The following CCNT2 variants were observed in gnomAD, a reference collection of about 807,000 sequenced individuals.
The protein encoded by CCNT2 is cyclin T2.
In CCNT2, 18 loss-of-function variants were observed where a neutral mutation model predicts 70.0. The observed-to-expected ratio is 0.26, with a 90% CI of 0.18 to 0.38. The LOEUF (loss-of-function observed/expected upper bound fraction) is 0.38. Ranked by LOEUF, CCNT2 falls within the 10% of genes least tolerant of loss-of-function variation. The probability of loss-of-function intolerance (pLI) is 1.00; values close to 1 mark genes in which losing one functional copy is unlikely to be tolerated. For synonymous variants in CCNT2, 334 were observed against 313.3 expected (o/e 1.07, Z -0.70); for missense variants, 734 against 890.2 (o/e 0.82, Z 2.23).
intron 1 of CCNT2, among the ~76,000 whole-genome samples, chr2:134,919,222 T>C (rs1486998381): frequency 2.0e-5 from 3 of 152,078 alleles, no homozygotes; most frequent in African/African-American, 7.2e-5. Context: ...GCCAGGAGCC[T>C]GCGTTGTGTA....
chr2:134,933,464 G>C (rs1211244835), intron 2 of CCNT2, among the ~76,000 whole-genome samples: 1 of 152,096 alleles, frequency 6.6e-6, no homozygotes. Flanking sequence ...AGCAGAGAGG[G>C]GAGACAGCAG....
chr2:134,954,151 A>G lies in CCNT2; in HGVS notation c.1696A>G (p.Ser566Gly), dbSNP rs190868744. ...HKEKHKEHPS[S>G]RHHTSSHKHS... ...GGAGAAGCACAAGGAGCATCCTTCAAGCCGCCACCACACCAGCAGCCACAA... is the reference window on the plus strand; with the variant it reads ...GGAGAAGCACAAGGAGCATCCTTCAGGCCGCCACCACACCAGCAGCCACAA... The change falls in exon 9 of 9, where the codon AGC becomes GGC. Residue 566 changes from serine to glycine, a missense_variant. Coordinates refer to ENST00000264157, the MANE Select transcript of CCNT2 (RefSeq NM_058241.3). The G allele has an allele frequency of 5.8e-5, 94 of 1,614,196 alleles. No homozygotes were observed. In the African/African-American group the frequency reaches 1.0e-3, roughly 18 times the overall value.
chr2:134,931,260 A>ATTTTTTTTTTTTTTTT (rs1351628226), intron 2 of CCNT2, among the ~76,000 whole-genome samples: 77 of 42,898 alleles, frequency 1.8e-3, no homozygotes, highest in Admixed American at 4.0e-3. Flanking sequence ...CCATGCCCGG[A>ATTTTTTTTTTTTTTTT]TCTTTTTTTT....
chr2:134,929,538 G>A (rs1218735597), intron 2 of CCNT2, among the ~76,000 whole-genome samples: 1 of 149,924 alleles, frequency 6.7e-6, no homozygotes, highest in African/African-American at 2.5e-5. Context: ...AGCCCAGGAG[G>A]TTGAGGCTGC....
chr2:134,927,068 C>T (rs1680348008), intron 2 of CCNT2, among the ~76,000 whole-genome samples: 1 of 152,162 alleles, frequency 6.6e-6, no homozygotes, highest in Admixed American at 6.5e-5. Context: ...CTTGAAGTTT[C>T]TGTTAAATAA....
chr2:134,922,440 C>T (rs1380482417), intron 2 of CCNT2, among the ~76,000 whole-genome samples: 2 of 152,136 alleles, frequency 1.3e-5, no homozygotes, highest in Non-Finnish European at 2.9e-5. Context: ...AGAATAAAAT[C>T]AGTATCAGCA....
intron 4 of CCNT2, among the ~76,000 whole-genome samples, chr2:134,940,975 G>C (rs115127157): frequency 3.9e-5 from 6 of 152,160 alleles, no homozygotes; most frequent in Non-Finnish European, 5.9e-5. Flanking sequence ...TGAAGTCATC[G>C]CTGCAGCTAT....
chr2:134,938,979 T>G (rs1351965517), intron 3 of CCNT2, 23 bp from the exon 4 acceptor site: 1 of 1,502,660 alleles, frequency 6.7e-7, no homozygotes, highest in South Asian at 1.1e-5. Context: ...TTTAATCAAT[T>G]TGATAATATT....
chr2:134,954,254 G>A lies in CCNT2; in HGVS notation c.1799G>A (p.Arg600Lys). The A allele has an allele frequency of 6.2e-7, 1 of 1,614,196 alleles. No homozygotes were observed. The highest frequency in any genetic ancestry group is 8.5e-7 in the Non-Finnish European group (1 of 1,180,038). ...SADGIPPTVL[R>K]SPVGLSSDGI... ...GACGGAATACCACCCACTGTTCTGA[G>A]GAGTCCTGTTGGCCTGAGCAGTGAT... is the stretch of plus-strand genomic sequence containing the variant. Residue 600 changes from arginine (R) to lysine (K), a missense_variant, in exon 9 of 9, where the codon AGG becomes AAG. By Grantham distance (26) the Arg-to-Lys change is conservative. Coordinates refer to ENST00000264157, the MANE Select transcript of CCNT2 (RefSeq NM_058241.3).
At chr2:134,944,681 TCTGA>T (rs1681818604) in intron 5 of CCNT2, 2 of 983,072 alleles carry the variant, frequency 2.0e-6, no homozygotes, top group Non-Finnish European at 2.4e-6. Flanking sequence ...TGTCATTTTG[TCTGA>T]CTAACATTTC....
In CCNT2 at chr2:134,954,231, C is replaced by T. The variant is rs1471584853; in HGVS notation, c.1776C>T (p.Asp592=). ...GCGGTGGCAGTAAACACAGTGCCGA[C>T]GGAATACCACCCACTGTTCTGAGGA... The part of the protein sequence containing the change: ...SSSGGSKHSA[D]GIPPTVLRSP... The change falls in exon 9 of 9, where the codon GAC becomes GAT. Residue 592 remains aspartate (D), a synonymous_variant. Coordinates refer to ENST00000264157, the MANE Select transcript of CCNT2 (RefSeq NM_058241.3). The T allele has an allele frequency of 9.3e-6, 15 of 1,614,122 alleles. No individual in the cohort carries two copies. The highest frequency in any genetic ancestry group is 1.2e-5 in the Non-Finnish European group (14 of 1,180,026).
At chr2:134,937,373 T>C (rs1348498891) in intron 3 of CCNT2, among the ~76,000 whole-genome samples, 1 of 152,148 alleles carries the variant, frequency 6.6e-6, no homozygotes, top group Non-Finnish European at 1.5e-5. Flanking sequence ...CCTAGATGAG[T>C]AGTCTTTTTA....
At chr2:134,928,817 A>G (rs771011184) in intron 2 of CCNT2, among the ~76,000 whole-genome samples, 2 of 152,202 alleles carry the variant, frequency 1.3e-5, no homozygotes, top group African/African-American at 4.8e-5. Context: ...TTAAAAAGAA[A>G]TACCTGAGAG....
intron 2 of CCNT2, among the ~76,000 whole-genome samples, chr2:134,928,274 C>CCTTTTTTTTTTTTTT (rs1680444768): frequency 1.0e-5 from 1 of 96,428 alleles, no homozygotes; most frequent in African/African-American, 4.0e-5. Flanking sequence ...CATTGTATTT[C>CCTTTTTTTTTTTTTT]TTTTTTTTTT....
At chr2:134,936,141 C>T (rs1168416577) in intron 2 of CCNT2, among the ~76,000 whole-genome samples, 6 of 143,138 alleles carry the variant, frequency 4.2e-5, no homozygotes, top group Non-Finnish European at 6.1e-5. Flanking sequence ...ATACTTGATC[C>T]GCTTTTCATC....
intron 7 of CCNT2, among the ~76,000 whole-genome samples, chr2:134,951,818 TAACTA>T (rs1201732124): frequency 6.6e-5 from 10 of 152,246 alleles, no homozygotes; most frequent in African/African-American, 1.9e-4. Flanking sequence ...ACAATACTGT[TAACTA>T]AACCACAGAT....
intron 2 of CCNT2, among the ~76,000 whole-genome samples, chr2:134,926,226 G>A (rs906635265): frequency 2.0e-5 from 3 of 151,924 alleles, no homozygotes; most frequent in East Asian, 1.9e-4. Context: ...AATACTCTTC[G>A]GTTACTCATT....
rs964871756 is a variant in CCNT2 at position 134,953,750 on chromosome 2, A to C, written c.1295A>C (p.Gln432Pro). 7.4e-6 allele frequency: 12 copies of C among 1,614,156 alleles called. No individual in the cohort carries two copies. The East Asian group carries it at 2.7e-4, about 36-fold the overall frequency. The change falls in exon 9 of 9, where the codon CAG (glutamine) becomes CCG (proline). Residue 432 changes from glutamine (Q) to proline (P), a missense_variant. Gln to Pro is a moderately conservative substitution (Grantham distance 76). Around this residue, in one of 3 missense-constraint regions of CCNT2, gnomAD observed 532 missense variants for 556.9 expected, o/e 0.96. Coordinates refer to ENST00000264157, the MANE Select transcript of CCNT2 (RefSeq NM_058241.3). ...TCCACTACTCCAGGAATAATTCCTC[A>C]GAAAATGTCTTTAGATAAATATAGA... Reference protein sequence around the residue: ...PISTTPGIIPQKMSLDKYREK... With the variant: ...PISTTPGIIPPKMSLDKYREK...
intron 4 of CCNT2, among the ~76,000 whole-genome samples, chr2:134,942,089 C>T (rs752942525): frequency 9.5e-4 from 144 of 151,550 alleles, no homozygotes; most frequent in Non-Finnish European, 1.6e-3. Context: ...GTCATGAGAC[C>T]TCTATGGTTT....
Sources: allele counts gnomAD v4.1 joint callset (sites outside exome capture counted in the v4.1 genomes callset), GRCh38; gene constraint gnomAD v4.1.1; regional missense constraint gnomAD v4.1.1; transcripts MANE v1.5; gene names NCBI Gene and HGNC (gene_info 2026-07-23, HGNC 2026-07-21).